The following CSMD1 variants were observed in gnomAD, a reference collection of about 807,000 sequenced individuals.
CSMD1 encodes CUB and Sushi multiple domains 1, also known as CUB and sushi domain-containing protein 1.
CSMD1 carries 213 observed loss-of-function variants against 417.5 expected under a neutral mutation model. That is an observed-to-expected ratio of 0.51 (90% CI 0.46 to 0.57). The LOEUF is 0.57. Among genes scored for constraint, CSMD1 ranks in the 20% least tolerant of loss-of-function variants. The pLI is 0.00. For synonymous variants in CSMD1, 2,862 were observed against 1,736.8 expected (o/e 1.65, Z -16.11); for missense variants, 6,923 against 4,529.7 (o/e 1.53, Z -15.17).
chr8:3,598,706 A>G (rs1197144533), intron 8 of CSMD1, among the ~76,000 whole-genome samples: 1 of 150,560 alleles, frequency 6.6e-6, no homozygotes, highest in Non-Finnish European at 1.5e-5. Flanking sequence ...GATGCTAAAA[A>G]CCTCCCTAGA....
chr8:4,240,533 T>A (rs1802334803), intron 3 of CSMD1, among the ~76,000 whole-genome samples: 1 of 152,186 alleles, frequency 6.6e-6, no homozygotes, highest in Non-Finnish European at 1.5e-5. Flanking sequence ...CCTGATTGTG[T>A]AGTGTCCTCT....
intron 10 of CSMD1, among the ~76,000 whole-genome samples, chr8:3,535,785 G>A (rs1798170403): frequency 6.6e-6 from 1 of 152,128 alleles, no homozygotes; most frequent in Admixed American, 6.5e-5. Flanking sequence ...CACATGCTTT[G>A]AAAATTCCCA....
intron 11 of CSMD1, among the ~76,000 whole-genome samples, chr8:3,484,372 T>C (rs1346095586): frequency 2.0e-5 from 3 of 152,206 alleles, no homozygotes; most frequent in Admixed American, 6.5e-5. Flanking sequence ...AACAGTTGGA[T>C]ACACGAACTG....
At chr8:3,954,097 A>G (rs1811764402) in intron 5 of CSMD1, among the ~76,000 whole-genome samples, 1 of 151,906 alleles carries the variant, frequency 6.6e-6, no homozygotes, top group Non-Finnish European at 1.5e-5. Flanking sequence ...GCAGGGGCCT[A>G]GGAACGTGGC....
chr8:4,095,773 T>G (rs1800975973), intron 3 of CSMD1, among the ~76,000 whole-genome samples: 1 of 152,246 alleles, frequency 6.6e-6, no homozygotes, highest in African/African-American at 2.4e-5. Flanking sequence ...TTACGTGAAT[T>G]CAGTTCTAAG....
intron 7 of CSMD1, chr8:3,702,088 T>C (rs1308686740): frequency 1.3e-5 from 2 of 152,214 alleles, no homozygotes; most frequent in Non-Finnish European, 2.9e-5. Flanking sequence ...ATTTATTTTA[T>C]AATGTTGTGT....
intron 3 of CSMD1, among the ~76,000 whole-genome samples, chr8:4,085,873 A>G (rs1356526403): frequency 2.0e-5 from 3 of 152,126 alleles, no homozygotes; most frequent in Non-Finnish European, 4.4e-5. Flanking sequence ...TCCGGGCTGT[A>G]TTATTATTGT....
chr8:4,674,506 G>A lies in CSMD1; in HGVS notation c.86-36948C>T, dbSNP rs186949825. Among the ~76,000 whole-genome samples the A allele has an allele frequency of 5.5e-3, 834 of 152,220 alleles. 8 individuals carry two copies. Among genetic ancestry groups the A allele is most frequent in the African/African-American group, 0.017 (726 of 41,552 alleles). On this transcript the variant is annotated intron_variant, in intron 1 of 69. Coordinates refer to ENST00000635120, the MANE Select transcript of CSMD1 (RefSeq NM_033225.6). ...CTCAAAGGGAATGAGGGAACAGTACGTACTCAGTAAAATCAGCAGGAGAGG... is the reference window on the plus strand; with the variant it reads ...CTCAAAGGGAATGAGGGAACAGTACATACTCAGTAAAATCAGCAGGAGAGG...
intron 49 of CSMD1, among the ~76,000 whole-genome samples, chr8:3,069,497 C>A (rs1813181838): frequency 6.6e-6 from 1 of 152,010 alleles, no homozygotes; most frequent in Admixed American, 6.6e-5. Flanking sequence ...TGACACCCAG[C>A]AGGGCAGTCA....
intron 25 of CSMD1, among the ~76,000 whole-genome samples, chr8:3,287,396 A>G (rs2117256441): frequency 6.6e-6 from 1 of 152,244 alleles, no homozygotes; most frequent in South Asian, 2.1e-4. Flanking sequence ...CTTGGGCAGT[A>G]TGGCCATTTT....
At chr8:3,176,330 G>A (rs1820934092) in intron 37 of CSMD1, among the ~76,000 whole-genome samples, 1 of 151,566 alleles carries the variant, frequency 6.6e-6, no homozygotes, top group African/African-American at 2.4e-5. Context: ...TAATTTATCT[G>A]TGAACATCTC....
At chr8:3,634,866 C>G (rs947320021) in intron 7 of CSMD1, among the ~76,000 whole-genome samples, 5 of 152,098 alleles carry the variant, frequency 3.3e-5, no homozygotes, top group African/African-American at 9.7e-5. Flanking sequence ...TGTGCACTTG[C>G]CCAATCCTAG....
chr8:4,967,949 T>C lies in CSMD1; in HGVS notation c.85+26383A>G, dbSNP rs901948605. ...CAAAATGATTGAAAATGATGTATTTTTTTTTCTAAATAAAGACGATAGGTA... is the reference window on the plus strand; with the variant it reads ...CAAAATGATTGAAAATGATGTATTTCTTTTTCTAAATAAAGACGATAGGTA... On this transcript the variant is annotated intron_variant, in intron 1 of 69. Transcript: ENST00000635120. Among the ~76,000 whole-genome samples, 11 of 152,276 alleles carry C rather than the reference T, an allele frequency of 7.2e-5. No homozygotes were observed. In the East Asian group the frequency reaches 2.1e-3, roughly 29 times the overall value.
intron 5 of CSMD1, among the ~76,000 whole-genome samples, chr8:3,850,216 A>C (rs952061186): frequency 6.6e-6 from 1 of 152,244 alleles, no homozygotes; most frequent in South Asian, 2.1e-4. Context: ...TCTTTATATC[A>C]AAGGCTCCAA....
At chr8:4,966,639 A>G (rs1809878760) in intron 1 of CSMD1, among the ~76,000 whole-genome samples, 1 of 152,208 alleles carries the variant, frequency 6.6e-6, no homozygotes, top group Non-Finnish European at 1.5e-5. Flanking sequence ...GTACAAACAC[A>G]GAAGGATGGT....
intron 1 of CSMD1, among the ~76,000 whole-genome samples, chr8:4,837,095 G>C (rs137871792): frequency 7.6e-4 from 116 of 151,782 alleles, no homozygotes; most frequent in African/African-American, 2.8e-3. Context: ...AATTAATGAG[G>C]GCTTCACTAA....
intron 3 of CSMD1, among the ~76,000 whole-genome samples, chr8:4,203,772 G>A (rs1332537844): frequency 1.3e-5 from 2 of 151,992 alleles, no homozygotes; most frequent in African/African-American, 4.8e-5. Context: ...GCATATATAT[G>A]TACATATACA....
chr8:4,948,498 T>C (rs1487811833), intron 1 of CSMD1, among the ~76,000 whole-genome samples: 1 of 152,050 alleles, frequency 6.6e-6, no homozygotes, highest in African/African-American at 2.4e-5. Flanking sequence ...GATTGCATAA[T>C]GACCTTCATT....
chr8:3,929,004 C>G (rs982142955), intron 5 of CSMD1, among the ~76,000 whole-genome samples: 1 of 150,346 alleles, frequency 6.7e-6, no homozygotes, highest in Non-Finnish European at 1.5e-5. Context: ...GAAATCTTAC[C>G]GATTTTTGGT....
Sources: allele counts gnomAD v4.1 joint callset (sites outside exome capture counted in the v4.1 genomes callset), GRCh38; gene constraint gnomAD v4.1.1; transcripts MANE v1.5; gene names NCBI Gene and HGNC (gene_info 2026-07-23, HGNC 2026-07-21).